TENM4: variants seen among roughly 807,000 people sequenced by gnomAD.
TENM4 encodes teneurin-4.
A neutral mutation model predicts 243.3 loss-of-function variants in TENM4; 82 were observed. The ratio of observed to expected loss-of-function variants is 0.34; its 90% CI spans 0.28 to 0.40. The LOEUF is 0.40. TENM4 is among the 10% of genes least tolerant of loss of function. The probability of loss-of-function intolerance (pLI) is 1.00; values close to 1 mark genes in which losing one functional copy is unlikely to be tolerated. For missense variants in TENM4, 3,138 were observed against 3,673.3 expected, an observed-to-expected ratio of 0.85 and a Z score of 3.77; for synonymous variants, 1,412 against 1,456.3, an observed-to-expected ratio of 0.97 and a Z score of 0.69.
At chr11:79,049,518 A>G (rs2136931855) in intron 6 of TENM4, among the ~76,000 whole-genome samples, 1 of 152,360 alleles carries the variant, frequency 6.6e-6, no homozygotes, top group South Asian at 2.1e-4. Flanking sequence ...AGGAGTTAAC[A>G]TAGCAGGCCG....
At chr11:78,799,739 C>A (rs975512417) in intron 15 of TENM4, among the ~76,000 whole-genome samples, 1 of 152,210 alleles carries the variant, frequency 6.6e-6, no homozygotes, top group Non-Finnish European at 1.5e-5. Context: ...TGTTATTCCA[C>A]AAAACTCAAT....
intron 2 of TENM4, among the ~76,000 whole-genome samples, chr11:79,286,465 C>G (rs1856253121): frequency 7.2e-6 from 1 of 139,056 alleles, no homozygotes; most frequent in African/African-American, 2.7e-5. Flanking sequence ...CCAGCCTGGC[C>G]AACATGGTGA....
At chr11:79,095,825 G>A (rs1861063103) in intron 4 of TENM4, among the ~76,000 whole-genome samples, 1 of 152,224 alleles carries the variant, frequency 6.6e-6, no homozygotes, top group African/African-American at 2.4e-5. Flanking sequence ...ATTTGCAGAA[G>A]CTTATAGGAG....
chr11:79,326,239 A>T (rs914620884), intron 1 of TENM4, among the ~76,000 whole-genome samples: 1 of 152,202 alleles, frequency 6.6e-6, no homozygotes, highest in Non-Finnish European at 1.5e-5. Context: ...GAAGGCCTTT[A>T]TCATAAGTCC....
At chr11:78,725,583 A>G (rs1005549648) in intron 23 of TENM4, among the ~76,000 whole-genome samples, 1 of 152,136 alleles carries the variant, frequency 6.6e-6, no homozygotes, top group African/African-American at 2.4e-5. Flanking sequence ...TTAAATCACA[A>G]TGAACCTTCT....
At chr11:79,358,849 G>C (rs2135489631) in intron 1 of TENM4, among the ~76,000 whole-genome samples, 1 of 152,072 alleles carries the variant, frequency 6.6e-6, no homozygotes, top group East Asian at 1.9e-4. Flanking sequence ...CAACCACTAT[G>C]GGCCAGGCAC....
At chr11:79,115,502 G>C (rs1861599985) in intron 4 of TENM4, among the ~76,000 whole-genome samples, 1 of 152,076 alleles carries the variant, frequency 6.6e-6, no homozygotes, top group Non-Finnish European at 1.5e-5. Context: ...CTTTTCTTCT[G>C]ATGCTCTACC....
intron 1 of TENM4, among the ~76,000 whole-genome samples, chr11:79,340,376 C>CA (rs1857221532): frequency 6.6e-6 from 1 of 151,872 alleles, no homozygotes; most frequent in African/African-American, 2.4e-5. Flanking sequence ...GCAGAGAAGG[C>CA]AAAAAAATGG....
intron 6 of TENM4, among the ~76,000 whole-genome samples, chr11:78,975,596 A>C (rs916604062): frequency 1.4e-4 from 17 of 124,434 alleles, no homozygotes; most frequent in Non-Finnish European, 2.2e-4. Flanking sequence ...GGATACACAC[A>C]CCCACACACA....
intron 6 of TENM4, among the ~76,000 whole-genome samples, chr11:78,918,980 C>T (rs1856385489): frequency 1.3e-5 from 2 of 152,094 alleles, no homozygotes; most frequent in Admixed American, 6.5e-5. Flanking sequence ...TGAGTGTCAT[C>T]TATAAAATGG....
chr11:78,701,408 T>C (rs1021903745), intron 28 of TENM4, 118 bp downstream of exon 28: 3 of 1,280,204 alleles, frequency 2.3e-6, no homozygotes, highest in Non-Finnish European at 3.2e-6. Context: ...GAATGTATTA[T>C]AAGTAATAGT....
At chr11:79,165,639 A>G (rs1411876540) in intron 3 of TENM4, among the ~76,000 whole-genome samples, 1 of 152,138 alleles carries the variant, frequency 6.6e-6, no homozygotes, top group Non-Finnish European at 1.5e-5. Context: ...ACCTTTTGGT[A>G]TCATTAGGTC....
chr11:79,142,833 C>G (rs11237727), intron 4 of TENM4, among the ~76,000 whole-genome samples: 14,265 of 151,914 alleles, frequency 0.094, 937 homozygotes, highest in Non-Finnish European at 0.14. Flanking sequence ...AATCTGCATA[C>G]CTACAGTGAA....
intron 5 of TENM4, among the ~76,000 whole-genome samples, chr11:79,066,593 AGCACACACGCGCGTGCACACACACGTGC>A (rs1309320415): frequency 6.6e-6 from 1 of 150,984 alleles, no homozygotes; most frequent in Admixed American, 6.6e-5. Context: ...CATGCACACA[AGCACACACGCGCGTGCACACACACGTGC>A]GCACACACAT....
intron 2 of TENM4, among the ~76,000 whole-genome samples, chr11:79,271,485 G>T (rs561955279): frequency 6.6e-6 from 1 of 152,144 alleles, no homozygotes; most frequent in Non-Finnish European, 1.5e-5. Context: ...GGGCTGAATC[G>T]TATTTGCATT....
rs184321983 is a variant in TENM4 at position 79,130,980 on chromosome 11, A to G, written c.-66+17730T>C. On this transcript the variant is annotated intron_variant, in intron 4 of 33. Transcript: ENST00000278550. Reference sequence around the variant, plus strand: ...GAATTAACCTAATCCAACAAAGACAAAGAAAAAATAATAAGAAAATATGAA... The same window carrying G: ...GAATTAACCTAATCCAACAAAGACAGAGAAAAAATAATAAGAAAATATGAA... Among the ~76,000 whole-genome samples the G allele has an allele frequency of 9.2e-5, 14 of 152,302 alleles. No homozygotes were observed. The East Asian group carries it at 1.7e-3, about 19-fold the overall frequency.
intron 4 of TENM4, among the ~76,000 whole-genome samples, chr11:79,113,331 A>G (rs1335585204): frequency 6.6e-6 from 1 of 151,848 alleles, no homozygotes; most frequent in Non-Finnish European, 1.5e-5. Context: ...CATATCCTTC[A>G]TATCCTGAAT....
chr11:79,037,070 A>T (rs1859407274), intron 6 of TENM4, among the ~76,000 whole-genome samples: 1 of 151,498 alleles, frequency 6.6e-6, no homozygotes, highest in African/African-American at 2.4e-5. Flanking sequence ...TACACTCAAG[A>T]TGTATTCTGA....
chr11:78,743,160 G>T (rs527342105), intron 19 of TENM4, among the ~76,000 whole-genome samples: 3 of 152,250 alleles, frequency 2.0e-5, no homozygotes, highest in Non-Finnish European at 2.9e-5. Flanking sequence ...TCACTAAATT[G>T]TTCCCTCTAT....
Sources: gnomAD v4.1 joint callset for allele counts (sites outside exome capture counted in the v4.1 genomes callset) on GRCh38, gnomAD v4.1.1 for gene constraint, MANE v1.5 for transcripts, NCBI Gene and HGNC (gene_info 2026-07-23, HGNC 2026-07-21) for gene names.